Variants in UBE2E2 observed in about 807,000 individuals in gnomAD.
UBE2E2 encodes the protein ubiquitin-conjugating enzyme E2 E2.
Under a neutral mutation model 24.7 loss-of-function variants are expected in UBE2E2, and 6 were observed. The ratio of observed to expected loss-of-function variants is 0.24; its 90% CI spans 0.13 to 0.48. The LOEUF (loss-of-function observed/expected upper bound fraction) is 0.48. UBE2E2 is among the 20% of genes least tolerant of loss of function. The pLI is 0.99. For missense variants in UBE2E2, 169 were observed against 245.0 expected, an observed-to-expected ratio of 0.69 and a Z score of 2.07; for synonymous variants, 104 against 83.6, an observed-to-expected ratio of 1.24 and a Z score of -1.33.
chr3:23,229,546 C>A (rs1197638308), intron 3 of UBE2E2, among the ~76,000 whole-genome samples: 1 of 152,184 alleles, frequency 6.6e-6, no homozygotes, highest in Non-Finnish European at 1.5e-5. Flanking sequence ...GATGGGAAGA[C>A]AGGCTTGGAA....
At chr3:23,210,567 T>G (rs1696294674) in intron 2 of UBE2E2, among the ~76,000 whole-genome samples, 1 of 152,204 alleles carries the variant, frequency 6.6e-6, no homozygotes, top group African/African-American at 2.4e-5. Context: ...ATAGAGAAAG[T>G]ACGGATTATT....
chr3:23,382,832 A>G (rs1696709703), intron 3 of UBE2E2, among the ~76,000 whole-genome samples: 1 of 152,202 alleles, frequency 6.6e-6, no homozygotes. Flanking sequence ...ATTTAAAAAC[A>G]TGTGCAAAGG....
rs1047468976 is a variant in UBE2E2, at chr3:23,349,680, G to A, written c.227+132368G>A. On this transcript the variant is annotated intron_variant, in intron 3 of 5. Transcript: ENST00000396703. ...CTGCGAGGCAGCAGCGAGGCTAGGGGAGGGGCGCCCGCCATTGCCCAGGCT... is the reference window on the plus strand; with the variant it reads ...CTGCGAGGCAGCAGCGAGGCTAGGGAAGGGGCGCCCGCCATTGCCCAGGCT... Among the ~76,000 whole-genome samples the A allele has an allele frequency of 2.1e-4, 32 of 152,358 alleles. 1 individual carries two copies. The highest frequency in any genetic ancestry group is 4.1e-4 in the Non-Finnish European group (28 of 68,024).
At chr3:23,465,865 G>GTA (rs1304382575) in intron 3 of UBE2E2, among the ~76,000 whole-genome samples, 4 of 152,126 alleles carry the variant, frequency 2.6e-5, no homozygotes, top group Non-Finnish European at 5.9e-5. Context: ...GAGTTATATA[G>GTA]TATGCCTCAC....
At chr3:23,355,957 T>A (rs1695935993) in intron 3 of UBE2E2, among the ~76,000 whole-genome samples, 1 of 152,238 alleles carries the variant, frequency 6.6e-6, no homozygotes, top group African/African-American at 2.4e-5. Flanking sequence ...ATTTCTTGTT[T>A]TACACAGGAG....
intron 5 of UBE2E2, among the ~76,000 whole-genome samples, chr3:23,584,240 A>T (rs904162949): frequency 6.6e-6 from 1 of 152,126 alleles, no homozygotes; most frequent in Non-Finnish European, 1.5e-5. Context: ...TGTTGAACCA[A>T]CCTTGCATCC....
chr3:23,314,986 CTT>C (rs769090365), intron 3 of UBE2E2, among the ~76,000 whole-genome samples: 40 of 152,266 alleles, frequency 2.6e-4, no homozygotes, highest in Admixed American at 9.8e-4. Flanking sequence ...TATCGACAGT[CTT>C]TTTCTCTAGG....
At chr3:23,560,058 A>G (rs1164551762) in intron 5 of UBE2E2, among the ~76,000 whole-genome samples, 3 of 152,022 alleles carry the variant, frequency 2.0e-5, no homozygotes, top group Non-Finnish European at 2.9e-5. Flanking sequence ...TTATATATGT[A>G]TATATGTATT....
chr3:23,468,737 A>G (rs564364249), intron 3 of UBE2E2, among the ~76,000 whole-genome samples: 133 of 152,326 alleles, frequency 8.7e-4, no homozygotes, highest in African/African-American at 2.9e-3. Context: ...GACTCTGAAG[A>G]TTGAAATCTT....
At chr3:23,270,264 T>C (rs191472272) in intron 3 of UBE2E2, among the ~76,000 whole-genome samples, 3 of 152,056 alleles carry the variant, frequency 2.0e-5, no homozygotes, top group Admixed American at 1.3e-4. Context: ...CAGGAATCCT[T>C]ATTTCCTGAT....
chr3:23,249,898 C>T (rs573024243), intron 3 of UBE2E2, among the ~76,000 whole-genome samples: 7 of 152,124 alleles, frequency 4.6e-5, no homozygotes, highest in South Asian at 2.1e-4. Flanking sequence ...CCTCATGATC[C>T]GCCTGCCTCT....
intron 3 of UBE2E2, among the ~76,000 whole-genome samples, chr3:23,260,229 A>G (rs1415208112): frequency 1.3e-5 from 2 of 152,208 alleles, no homozygotes; most frequent in Admixed American, 6.5e-5. Context: ...TAAAAACAGT[A>G]TTGTCTAATC....
At position 23,502,341 on chromosome 3, in the gene UBE2E2, AG is replaced by A. The variant is rs527514296; in HGVS notation, c.360+2602del. On this transcript the variant is annotated intron_variant, in intron 4 of 5. Coordinates refer to ENST00000396703, the MANE Select transcript of UBE2E2 (RefSeq NM_152653.4). ...TGGGTGTCAGGGGGAATTACTTATAAGAGCAGATGCTTATAAATACATCTGA... is the reference window on the plus strand; with the variant it reads ...TGGGTGTCAGGGGGAATTACTTATAAAGCAGATGCTTATAAATACATCTGA... Among the ~76,000 whole-genome samples, 919 of 152,092 alleles carry A rather than the reference AG, an allele frequency of 6.0e-3. 13 individuals are homozygous for A. The highest frequency in any genetic ancestry group is 0.021 in the African/African-American group (851 of 41,492).
chr3:23,269,331 A>G lies in UBE2E2; in HGVS notation c.227+52019A>G, dbSNP rs537309984. ...GACAAAGGGCTAATATCCAGAATCT[A>G]CAATGAACTCAAAAAATTTACAAGA... is the stretch of plus-strand genomic sequence containing the variant. On this transcript the variant is annotated intron_variant, in intron 3 of 5. Transcript: ENST00000396703. 3.9e-5 allele frequency among the ~76,000 whole-genome samples: 6 copies of G among 152,362 alleles called. No homozygotes were observed. In the East Asian group the frequency reaches 1.2e-3, roughly 29 times the overall value.
At chr3:23,247,423 C>T (rs1435039154) in intron 3 of UBE2E2, among the ~76,000 whole-genome samples, 6 of 150,248 alleles carry the variant, frequency 4.0e-5, no homozygotes, top group Non-Finnish European at 5.9e-5. Context: ...GGCATGATCT[C>T]GGCTCACCAG....
intron 3 of UBE2E2, among the ~76,000 whole-genome samples, chr3:23,307,759 G>T (rs572251892): frequency 6.6e-6 from 1 of 152,020 alleles, no homozygotes; most frequent in African/African-American, 2.4e-5. Context: ...AAATACTATA[G>T]GGTTTTAAAA....
chr3:23,341,799 CT>C (rs1171308094), intron 3 of UBE2E2, among the ~76,000 whole-genome samples: 14 of 151,244 alleles, frequency 9.3e-5, no homozygotes, highest in East Asian at 1.9e-4. Context: ...CCAATTTTTT[CT>C]TTGTGAAAAG....
At chr3:23,251,964 G>A (rs1697586998) in intron 3 of UBE2E2, among the ~76,000 whole-genome samples, 1 of 152,114 alleles carries the variant, frequency 6.6e-6, no homozygotes, top group African/African-American at 2.4e-5. Flanking sequence ...GTTATTATAG[G>A]TCTTCAAATG....
intron 3 of UBE2E2, among the ~76,000 whole-genome samples, chr3:23,279,972 T>A (rs1023038130): frequency 6.6e-6 from 1 of 152,246 alleles, no homozygotes; most frequent in Non-Finnish European, 1.5e-5. Flanking sequence ...GACAGTTACC[T>A]TTGTTACCAT....
Sources: gnomAD v4.1 joint callset for allele counts (sites outside exome capture counted in the v4.1 genomes callset) on GRCh38, gnomAD v4.1.1 for gene constraint, MANE v1.5 for transcripts, NCBI Gene and HGNC (gene_info 2026-07-23, HGNC 2026-07-21) for gene names.